The following MYLK variants were observed in gnomAD, a reference collection of about 807,000 sequenced individuals.
MYLK encodes myosin light chain kinase.
In MYLK, 106 loss-of-function variants were observed where a neutral mutation model predicts 203.4. The ratio of observed to expected loss-of-function variants is 0.52; its 90% confidence interval spans 0.45 to 0.61. The LOEUF is 0.61. Among genes scored for constraint, MYLK ranks in the 20% least tolerant of loss-of-function variants. The probability of loss-of-function intolerance (pLI) is 0.00; values close to 1 mark genes in which losing one functional copy is unlikely to be tolerated. For synonymous variants in MYLK, 867 were observed against 959.5 expected (o/e 0.90, Z 1.78); for missense variants, 2,072 against 2,442.3 (o/e 0.85, Z 3.20).
chr3:123,640,443 C>G lies in MYLK; in HGVS notation c.4681G>C (p.Glu1561Gln), dbSNP rs1114167363. The change falls in exon 28 of 34, where the codon GAG becomes CAG. Residue 1561 changes from glutamate to glutamine, a missense_variant. Physicochemically the swap from Glu to Gln is conservative, Grantham distance 29 (BLOSUM62 2). Around this residue, in one of 3 missense-constraint regions of MYLK, gnomAD observed 524 missense variants for 782.4 expected, o/e 0.67. Coordinates refer to ENST00000360304, the MANE Select transcript of MYLK (RefSeq NM_053025.4). This position sits in a 1 kb window ranked among gnomAD's most constrained non-coding sequence, Gnocchi z 4.3. ...IDEDFELTER[E>Q]CIKYMRQISE... is the part of the protein sequence containing the mutation. ...ATCTGCCGCATGTACTTGATGCACT[C>G]ACGCTCCGTCAGCTCAAAGTCCTCG... 6.2e-7 allele frequency: 1 copy of G among 1,614,080 alleles called. No individual in the cohort carries two copies. Among genetic ancestry groups the G allele is most frequent in the Non-Finnish European group, 8.5e-7 (1 of 1,180,042 alleles).
At chr3:123,789,722 G>T (rs1018714429) in intron 4 of MYLK, among the ~76,000 whole-genome samples, 1 of 151,298 alleles carries the variant, frequency 6.6e-6, no homozygotes, top group Non-Finnish European at 1.5e-5. Flanking sequence ...GGGAGAGGAG[G>T]GAAGGGGCTT....
At chr3:123,717,908 T>C (rs2108712674) in intron 13 of MYLK, among the ~76,000 whole-genome samples, 1 of 145,520 alleles carries the variant, frequency 6.9e-6, no homozygotes, top group South Asian at 2.2e-4. Flanking sequence ...CAGGCTGGAG[T>C]CCAGTGGTGT....
chr3:123,684,232 C>T (rs995908573), intron 19 of MYLK, among the ~76,000 whole-genome samples: 3 of 152,124 alleles, frequency 2.0e-5, no homozygotes, highest in Non-Finnish European at 4.4e-5. Context: ...TTTCATTGGT[C>T]TGGGTTGGGG....
intron 12 of MYLK, among the ~76,000 whole-genome samples, chr3:123,724,592 C>T (rs1434807877): frequency 1.3e-5 from 2 of 152,130 alleles, no homozygotes; most frequent in Non-Finnish European, 2.9e-5. Context: ...GGCACTTCCT[C>T]TTACTCACTA....
intron 4 of MYLK, among the ~76,000 whole-genome samples, chr3:123,770,239 A>C (rs536095465): frequency 6.6e-6 from 1 of 152,186 alleles, no homozygotes; most frequent in East Asian, 1.9e-4. Flanking sequence ...CAGGAGAATC[A>C]CTTGAACCTC....
chr3:123,714,883 CTAAGAAT>C (rs1339564144), intron 13 of MYLK, among the ~76,000 whole-genome samples: 4 of 152,100 alleles, frequency 2.6e-5, no homozygotes, highest in Non-Finnish European at 5.9e-5. Flanking sequence ...AGCACAATGA[CTAAGAAT>C]AAGCCCAAGC....
intron 2 of MYLK, among the ~76,000 whole-genome samples, chr3:123,847,270 C>T (rs1289587337): frequency 6.6e-6 from 1 of 152,086 alleles, no homozygotes; most frequent in Non-Finnish European, 1.5e-5. Context: ...CAGATTTTGA[C>T]ACCCAAGGGA....
At chr3:123,623,225 G>A (rs13064723) in intron 31 of MYLK, 28,089 of 152,090 alleles carry the variant, frequency 0.18, 6,188 homozygotes, top group African/African-American at 0.5. Flanking sequence ...AGAATACTCC[G>A]TGCTATACTG....
In MYLK at chr3:123,614,126, T is replaced by C; in HGVS notation, c.5724A>G (p.Glu1908=). The C allele has an allele frequency of 6.2e-7, 1 of 1,613,408 alleles. No homozygotes were observed. The highest frequency in any genetic ancestry group is 8.5e-7 in the Non-Finnish European group (1 of 1,179,706). The change falls in exon 34 of 34, where the codon GAA becomes GAG. Residue 1908 remains glutamate, a synonymous_variant. Transcript: ENST00000360304. ...TGTTTCACTCTTCTTCCTCTTCCCC[T>C]TCCCCTTCACCTTCCTCCATCGTTT... ...IVETMEEGEG[E]GEEEEE
At chr3:123,852,331 A>G (rs1287720429) in intron 2 of MYLK, among the ~76,000 whole-genome samples, 1 of 152,178 alleles carries the variant, frequency 6.6e-6, no homozygotes, top group Non-Finnish European at 1.5e-5. Context: ...TACCTCTGGT[A>G]GAATTCGGCT....
rs942222131 is a variant in MYLK at position 123,781,071 on chromosome 3, C to T, written c.165+12606G>A. On this transcript the variant is annotated intron_variant, in intron 4 of 33. Coordinates refer to ENST00000360304, the MANE Select transcript of MYLK (RefSeq NM_053025.4). ...CCAGTTAGAAAGGATGATGGAAGTC[C>T]AAGAGGCAAATCCCGGGACCTGCTC... Among the ~76,000 whole-genome samples, 10 of 152,232 alleles carry T rather than the reference C, an allele frequency of 6.6e-5. No homozygotes were observed. The South Asian group carries it at 8.3e-4, about 13-fold the overall frequency.
At chr3:123,831,399 C>T (rs1413976428) in intron 3 of MYLK, 149 bp downstream of exon 3, 1 of 1,289,590 alleles carries the variant, frequency 7.8e-7, no homozygotes, top group Non-Finnish European at 1.0e-6. Flanking sequence ...CTCTTACCTG[C>T]TTGGGCAGCT....
intron 3 of MYLK, among the ~76,000 whole-genome samples, chr3:123,820,644 C>CCTTCCTTCCTTCCCTCCT (rs1560259887): frequency 3.8e-5 from 1 of 26,066 alleles, no homozygotes; most frequent in African/African-American, 1.0e-4. Context: ...CCTTCCTTCC[C>CCTTCCTTCCTTCCCTCCT]TCCTTCCTTC....
chr3:123,727,780 C>G (rs1279510475), intron 11 of MYLK, among the ~76,000 whole-genome samples: 17 of 151,984 alleles, frequency 1.1e-4, no homozygotes, highest in Admixed American at 1.1e-3. Context: ...AAAGAGGTCT[C>G]TCAATAAGGG....
intron 33 of MYLK, chr3:123,616,539 T>C (rs1385805111): frequency 1.3e-5 from 2 of 152,212 alleles, no homozygotes; most frequent in Non-Finnish European, 2.9e-5. Flanking sequence ...GTGAAGTATT[T>C]TTATAGGAAA....
intron 19 of MYLK, among the ~76,000 whole-genome samples, chr3:123,690,703 C>A (rs2060627738): frequency 6.6e-6 from 1 of 152,180 alleles, no homozygotes; most frequent in African/African-American, 2.4e-5. Flanking sequence ...GAAGAGGCCA[C>A]CCTTATCCTT....
At chr3:123,682,159 C>T in intron 20 of MYLK, 65 bp downstream of exon 20, 1 of 1,314,912 alleles carries the variant, frequency 7.6e-7, no homozygotes. Context: ...CTGAGGCTGC[C>T]CTCAGTCCCC....
At chr3:123,624,301 G>C (rs1423966184) in intron 31 of MYLK, 1 of 150,038 alleles carries the variant, frequency 6.7e-6, no homozygotes, top group Admixed American at 6.7e-5. Context: ...CTCCAGCCTG[G>C]GTGACAGCAT....
rs777696799 is a variant in MYLK, at chr3:123,793,827, C to A, written c.15G>T (p.Lys5Asn). 5 of 1,614,116 alleles carry A rather than the reference C, an allele frequency of 3.1e-6. No homozygotes were observed. Among genetic ancestry groups the A allele is most frequent in the Non-Finnish European group, 3.4e-6 (4 of 1,180,052 alleles). MGDV[K>N]LVASSHISKT... ...TGGAAATGTGTGACGAGGCAACCAG[C>A]TTCACATCCCCCATGGTCTGCAAAA... The change falls in exon 4 of 34, where the codon AAG (lysine) becomes AAT (asparagine). Residue 5 changes from lysine to asparagine, a missense_variant. Lys to Asn is a moderately conservative substitution (Grantham distance 94). Transcript: ENST00000360304.
Sources: allele counts gnomAD v4.1 joint callset (sites outside exome capture counted in the v4.1 genomes callset), GRCh38; gene constraint gnomAD v4.1.1; regional missense constraint gnomAD v4.1.1; non-coding constraint Gnocchi (gnomAD v3.1); transcripts MANE v1.5; gene names NCBI Gene and HGNC (gene_info 2026-07-23, HGNC 2026-07-21).